The following DAB1 variants were observed in gnomAD, a reference collection of about 807,000 sequenced individuals.
DAB1 encodes disabled homolog 1.
DAB1 carries 15 observed loss-of-function variants against 64.6 expected under a neutral mutation model. The observed-to-expected ratio is 0.23, with a 90% CI of 0.16 to 0.36. The LOEUF is 0.36. Ranked by LOEUF, DAB1 falls within the 10% of genes least tolerant of loss-of-function variation. The pLI is 1.00. For missense variants in DAB1, 596 were observed against 706.7 expected (o/e 0.84, Z 1.78); for synonymous variants, 235 against 251.9 (o/e 0.93, Z 0.64).
chr1:58,300,624 GAGAGAGAGAGAGAGAGAGAGAGAGGA>G (rs1662122764), intron 4 of DAB1, among the ~76,000 whole-genome samples: 1 of 42,168 alleles, frequency 2.4e-5, no homozygotes, highest in Admixed American at 2.5e-4. Context: ...GAGAGAGAGA[GAGAGAGAGAGAGAGAGAGAGAGAGGA>G]AGGAAGGAAG....
At chr1:57,122,757 T>C (rs555863036) in intron 4 of DAB1, among the ~76,000 whole-genome samples, 97 of 152,246 alleles carry the variant, frequency 6.4e-4, no homozygotes, top group South Asian at 5.6e-3. Flanking sequence ...TTATACAAAA[T>C]TACTAGAATG....
At chr1:57,580,498 T>C (rs566733759) in intron 7 of DAB1, among the ~76,000 whole-genome samples, 1 of 152,238 alleles carries the variant, frequency 6.6e-6, no homozygotes, top group South Asian at 2.1e-4. Context: ...TTTCACATGA[T>C]ACCAGCACTT....
intron 3 of DAB1, among the ~76,000 whole-genome samples, chr1:58,351,122 C>A (rs1419630942): frequency 1.3e-5 from 2 of 152,134 alleles, no homozygotes; most frequent in East Asian, 1.9e-4. Context: ...TTTGTGTCCT[C>A]CCTCATTTCT....
intron 6 of DAB1, among the ~76,000 whole-genome samples, chr1:57,798,885 A>G (rs1650995107): frequency 6.6e-6 from 1 of 152,198 alleles, no homozygotes; most frequent in Non-Finnish European, 1.5e-5. Context: ...GGTATTACAT[A>G]TGCCTATACA....
intron 4 of DAB1, among the ~76,000 whole-genome samples, chr1:58,297,993 C>T (rs1306815789): frequency 1.3e-5 from 2 of 151,866 alleles, no homozygotes; most frequent in African/African-American, 2.4e-5. Flanking sequence ...ACCAGATGAC[C>T]CTAAAAGCGC....
intron 2 of DAB1, among the ~76,000 whole-genome samples, chr1:57,255,070 A>G (rs964506279): frequency 6.6e-6 from 1 of 152,220 alleles, no homozygotes; most frequent in African/African-American, 2.4e-5. Flanking sequence ...TAGGTGCTCA[A>G]TAAACATCTC....
At chr1:57,479,018 T>C (rs1296059333) in intron 7 of DAB1, among the ~76,000 whole-genome samples, 2 of 152,174 alleles carry the variant, frequency 1.3e-5, no homozygotes, top group African/African-American at 4.8e-5. Context: ...GCTCACCATA[T>C]AGTTGTTAAT....
chr1:57,037,212 A>T (rs1647196847), intron 9 of DAB1, among the ~76,000 whole-genome samples: 1 of 152,216 alleles, frequency 6.6e-6, no homozygotes, highest in Admixed American at 6.5e-5. Flanking sequence ...CAGTAGGAAT[A>T]ATTAGCAGAA....
chr1:57,309,705 C>G (rs1674505875), intron 1 of DAB1, among the ~76,000 whole-genome samples: 1 of 151,994 alleles, frequency 6.6e-6, no homozygotes, highest in Non-Finnish European at 1.5e-5. Flanking sequence ...GTAAAGAGCT[C>G]TACTCAGAGA....
intron 14 of DAB1, among the ~76,000 whole-genome samples, chr1:57,006,169 T>C (rs761221435): frequency 1.3e-4 from 20 of 152,228 alleles, no homozygotes; most frequent in Non-Finnish European, 2.4e-4. Context: ...TTAGATGATC[T>C]GTGTATTCTA....
intron 5 of DAB1, among the ~76,000 whole-genome samples, chr1:58,057,521 C>T (rs539697723): frequency 6.6e-6 from 1 of 152,222 alleles, no homozygotes; most frequent in East Asian, 1.9e-4. Context: ...AAAACCGAGA[C>T]ACACATAAGT....
intron 7 of DAB1, among the ~76,000 whole-genome samples, chr1:57,617,204 C>T (rs767279478): frequency 2.0e-5 from 3 of 152,048 alleles, no homozygotes; most frequent in Non-Finnish European, 4.4e-5. Context: ...CCAAGAATAG[C>T]CCTCTGCTGA....
intron 3 of DAB1, among the ~76,000 whole-genome samples, chr1:58,398,404 C>G (rs1644540914): frequency 6.6e-6 from 1 of 152,214 alleles, no homozygotes; most frequent in Non-Finnish European, 1.5e-5. Context: ...AGGCACTGTC[C>G]TCTCCACGTT....
chr1:58,188,966 A>T (rs976665871), intron 4 of DAB1, among the ~76,000 whole-genome samples: 1 of 152,226 alleles, frequency 6.6e-6, no homozygotes, highest in Non-Finnish European at 1.5e-5. Flanking sequence ...TCAGGGTTTA[A>T]TTAGCCTTAT....
chr1:58,326,101 C>T (rs1341456664), intron 4 of DAB1, among the ~76,000 whole-genome samples: 1 of 152,184 alleles, frequency 6.6e-6, no homozygotes, highest in Non-Finnish European at 1.5e-5. Context: ...ACGTGCTTCT[C>T]CCCAATCACG....
At position 57,072,267 on chromosome 1, in the gene DAB1, G is replaced by A; in HGVS notation, c.438+16C>T. 6.2e-7 allele frequency: 1 copy of A among 1,612,450 alleles called. No homozygotes were observed. The highest frequency in any genetic ancestry group is 8.5e-7 in the Non-Finnish European group (1 of 1,178,964). ...AGTTCCAAGGAAAGACTCCCTTCTT[G>A]GATAGGGATACTCACCGCCTGGGCT... On this transcript the variant is annotated intron_variant, in intron 5 of 14. Transcript: ENST00000371236.
intron 7 of DAB1, among the ~76,000 whole-genome samples, chr1:57,446,323 C>T (rs1257558614): frequency 6.6e-6 from 1 of 152,064 alleles, no homozygotes; most frequent in Admixed American, 6.5e-5. Context: ...TTAGGCCAGG[C>T]GTGGTGGCTC....
At chr1:57,248,829 A>T (rs1669100726) in intron 2 of DAB1, among the ~76,000 whole-genome samples, 1 of 152,150 alleles carries the variant, frequency 6.6e-6, no homozygotes, top group African/African-American at 2.4e-5. Context: ...TGTATATGGG[A>T]TGTTATTTAA....
At chr1:57,264,986 T>C (rs879268050) in intron 2 of DAB1, among the ~76,000 whole-genome samples, 15 of 152,190 alleles carry the variant, frequency 9.9e-5, no homozygotes, top group Admixed American at 7.2e-4. Flanking sequence ...CCCTTAGAAG[T>C]AGGAATAGTG....
Sources: gnomAD v4.1 joint callset for allele counts (sites outside exome capture counted in the v4.1 genomes callset) on GRCh38, gnomAD v4.1.1 for gene constraint, MANE v1.5 for transcripts, NCBI Gene and HGNC (gene_info 2026-07-23, HGNC 2026-07-21) for gene names.